Variants in FOXJ3 observed in about 807,000 individuals in gnomAD.
The protein encoded by FOXJ3 is forkhead box J3, also known as forkhead box protein J3.
FOXJ3 carries 22 observed loss-of-function variants against 76.1 expected under a neutral mutation model. The ratio of observed to expected loss-of-function variants is 0.29; its 90% CI spans 0.21 to 0.41. The LOEUF (loss-of-function observed/expected upper bound fraction) is 0.41, where lower values mean the gene tolerates loss of function less well. Among genes scored for constraint, FOXJ3 ranks in the 10% least tolerant of loss-of-function variants. The probability of loss-of-function intolerance (pLI) is 1.00; values close to 1 mark genes in which losing one functional copy is unlikely to be tolerated. For missense variants in FOXJ3, 613 were observed against 762.1 expected, an observed-to-expected ratio of 0.80 and a Z score of 2.30; for synonymous variants, 269 against 261.2, an observed-to-expected ratio of 1.03 and a Z score of -0.29.
At chr1:42,295,074 T>C (rs575872010) in intron 2 of FOXJ3, among the ~76,000 whole-genome samples, 1 of 152,310 alleles carries the variant, frequency 6.6e-6, no homozygotes, top group East Asian at 1.9e-4. Flanking sequence ...TTTTTAAAAC[T>C]TTAGATTCAG....
At chr1:42,198,665 G>A (rs1442867218) in intron 7 of FOXJ3, among the ~76,000 whole-genome samples, 1 of 152,170 alleles carries the variant, frequency 6.6e-6, no homozygotes, top group Admixed American at 6.5e-5. Context: ...TACATGAGTA[G>A]TTAACAATTG....
intron 2 of FOXJ3, among the ~76,000 whole-genome samples, chr1:42,291,067 T>C (rs12069291): frequency 0.011 from 869 of 82,416 alleles, 12 homozygotes; most frequent in East Asian, 0.019. Flanking sequence ...GATAGATAGA[T>C]AGATAGATAG....
intron 5 of FOXJ3, among the ~76,000 whole-genome samples, chr1:42,212,604 A>C (rs919146803): frequency 6.6e-6 from 1 of 152,176 alleles, no homozygotes; most frequent in African/African-American, 2.4e-5. Context: ...CAAACCTAAG[A>C]ATCATAGGTG....
Position 42,194,953 on chromosome 1 carries a change from C to G in FOXJ3, c.871G>C (p.Asp291His). ...AGGCTCCGAAATGAGGCACTAAGAT[C>G]TTCAAAATTATATTCTGAGAAAAGT... ...QLLFSEYNFE[D>H]LSASFRSLYK... Residue 291 changes from aspartate to histidine, a missense_variant, in exon 8 of 13, where the codon GAT becomes CAT. Transcript: ENST00000361346. 6.2e-7 allele frequency: 1 copy of G among 1,613,068 alleles called. No individual in the cohort carries two copies. Among genetic ancestry groups the G allele is most frequent in the African/African-American group, 1.3e-5 (1 of 74,996 alleles).
At chr1:42,231,274 C>T (rs1216996415) in intron 4 of FOXJ3, among the ~76,000 whole-genome samples, 1 of 152,056 alleles carries the variant, frequency 6.6e-6, no homozygotes, top group Non-Finnish European at 1.5e-5. Flanking sequence ...CGCAGTGAGC[C>T]GAGATCACGC....
chr1:42,206,989 C>T (rs1646873852), intron 5 of FOXJ3, among the ~76,000 whole-genome samples: 1 of 152,048 alleles, frequency 6.6e-6, no homozygotes, highest in Non-Finnish European at 1.5e-5. Context: ...TGTCACCACA[C>T]CTGGCTAATT....
At chr1:42,207,300 G>A (rs1646879726) in intron 5 of FOXJ3, among the ~76,000 whole-genome samples, 1 of 152,102 alleles carries the variant, frequency 6.6e-6, no homozygotes. Flanking sequence ...GTCTTTCTGT[G>A]AGTGTACATC....
At chr1:42,288,609 A>C (rs1653214131) in intron 2 of FOXJ3, among the ~76,000 whole-genome samples, 1 of 152,224 alleles carries the variant, frequency 6.6e-6, no homozygotes. Context: ...TGTGGTGTTT[A>C]TGGATCAGCA....
chr1:42,204,310 G>C (rs899064248), intron 6 of FOXJ3, among the ~76,000 whole-genome samples: 1 of 152,026 alleles, frequency 6.6e-6, no homozygotes, highest in Non-Finnish European at 1.5e-5. Flanking sequence ...GGAGGGGTGT[G>C]TGGCTATGTA....
intron 8 of FOXJ3, among the ~76,000 whole-genome samples, chr1:42,193,417 A>G (rs539062): frequency 4.8e-4 from 71 of 149,422 alleles, no homozygotes; most frequent in African/African-American, 1.6e-3. Flanking sequence ...TTTTTTTTTA[A>G]TAGTGTGATG....
At chr1:42,303,109 C>T (rs1347458339) in intron 2 of FOXJ3, among the ~76,000 whole-genome samples, 1 of 152,040 alleles carries the variant, frequency 6.6e-6, no homozygotes, top group Non-Finnish European at 1.5e-5. Context: ...TGGCAGACTT[C>T]ATTTAAGAAA....
At chr1:42,257,006 A>G (rs946804508) in intron 4 of FOXJ3, among the ~76,000 whole-genome samples, 2 of 152,212 alleles carry the variant, frequency 1.3e-5, no homozygotes, top group African/African-American at 2.4e-5. Context: ...GAACTTACGG[A>G]AAAAAATCTA....
chr1:42,253,578 A>G (rs1570059702), intron 4 of FOXJ3, among the ~76,000 whole-genome samples: 1 of 151,084 alleles, frequency 6.6e-6, no homozygotes, highest in Non-Finnish European at 1.5e-5. Context: ...ACAAGGCTAC[A>G]GTAACCAAAA....
intron 8 of FOXJ3, among the ~76,000 whole-genome samples, chr1:42,192,520 G>C (rs1487046180): frequency 1.3e-5 from 2 of 152,148 alleles, no homozygotes; most frequent in East Asian, 1.9e-4. Context: ...ACTATGAAGA[G>C]GAACTTTTTA....
At chr1:42,301,168 T>C (rs1302414240) in intron 2 of FOXJ3, among the ~76,000 whole-genome samples, 2 of 152,262 alleles carry the variant, frequency 1.3e-5, no homozygotes, top group South Asian at 4.1e-4. Flanking sequence ...GGATGCTTTA[T>C]ACAATCCCAT....
In FOXJ3 at chr1:42,242,277, T is replaced by C. The variant is rs535975818; in HGVS notation, c.445-14311A>G. Reference sequence around the variant, plus strand: ...TAGATTCCAATGAAAACGAAACTTATTAAATACCAGAAAAGAAATTTGAAA... The same window carrying C: ...TAGATTCCAATGAAAACGAAACTTACTAAATACCAGAAAAGAAATTTGAAA... On this transcript the variant is annotated intron_variant, in intron 4 of 12. Transcript: ENST00000361346. Among the ~76,000 whole-genome samples, 11 of 151,698 alleles carry C rather than the reference T, an allele frequency of 7.3e-5. No homozygotes were observed. The South Asian group carries it at 2.1e-3, about 29-fold the overall frequency.
chr1:42,267,577 G>A (rs1651562392), intron 3 of FOXJ3, among the ~76,000 whole-genome samples: 1 of 151,338 alleles, frequency 6.6e-6, no homozygotes, highest in Non-Finnish European at 1.5e-5. Flanking sequence ...ACAATTATAA[G>A]ACATAGAAAA....
chr1:42,243,874 G>T (rs1242988288), intron 4 of FOXJ3, among the ~76,000 whole-genome samples: 2 of 152,174 alleles, frequency 1.3e-5, no homozygotes, highest in Non-Finnish European at 2.9e-5. Flanking sequence ...AATACCCGTT[G>T]TTCCCATCAG....
intron 1 of FOXJ3, among the ~76,000 whole-genome samples, chr1:42,326,123 C>T (rs756741689): frequency 6.6e-6 from 1 of 152,034 alleles, no homozygotes. Flanking sequence ...TGATGGCAGG[C>T]ACCTGTAATC....
Sources: allele counts gnomAD v4.1 joint callset (sites outside exome capture counted in the v4.1 genomes callset), GRCh38; gene constraint gnomAD v4.1.1; transcripts MANE v1.5; gene names NCBI Gene and HGNC (gene_info 2026-07-23, HGNC 2026-07-21).